RABGEF1: variants seen among roughly 807,000 people sequenced by gnomAD.
RABGEF1 encodes RAB guanine nucleotide exchange factor 1, also known as rab5 GDP/GTP exchange factor.
A neutral mutation model predicts 57.3 loss-of-function variants in RABGEF1; 26 were observed. The ratio of observed to expected loss-of-function variants is 0.45; its 90% CI spans 0.33 to 0.63. The LOEUF (loss-of-function observed/expected upper bound fraction) is 0.63. Among genes scored for constraint, RABGEF1 ranks in the 20% least tolerant of loss-of-function variants. The probability of loss-of-function intolerance (pLI) is 0.02; values close to 1 mark genes in which losing one functional copy is unlikely to be tolerated. For missense variants in RABGEF1, 464 were observed against 607.6 expected, an observed-to-expected ratio of 0.76 and a Z score of 2.48; for synonymous variants, 185 against 210.7, an observed-to-expected ratio of 0.88 and a Z score of 1.06.
At chr7:66,678,579 AAAAAAG>A (rs1789470398), upstream of RABGEF1, among the ~76,000 whole-genome samples, 1 of 151,662 alleles carries the variant, frequency 6.6e-6, no homozygotes, top group Admixed American at 6.6e-5. Context: ...AAAAAAAAAA[AAAAAAG>A]AAAAGGTAAT....
At chr7:66,694,381 C>T (rs1259215359) in intron 1 of RABGEF1, among the ~76,000 whole-genome samples, 2 of 152,120 alleles carry the variant, frequency 1.3e-5, no homozygotes, top group African/African-American at 2.4e-5. Flanking sequence ...GAAGATGGAG[C>T]GAGGATCAGT....
At chr7:66,655,430 G>A in the RABGEF1 span, among the ~76,000 whole-genome samples, 2 of 152,204 alleles carry the variant, frequency 1.3e-5, no homozygotes, top group Non-Finnish European at 2.9e-5. Context: ...TTGCCTTTGA[G>A]ATTAAATAGG....
At chr7:66,755,976 A>G in intron 1 of RABGEF1, 14 of 1,073,290 alleles carry the variant, frequency 1.3e-5, no homozygotes, top group Non-Finnish European at 1.8e-5. Flanking sequence ...TTCATTTTGG[A>G]AGCATTATAT....
At chr7:66,795,702 C>G in intron 5 of RABGEF1, 110 bp downstream of exon 5, 2 of 992,162 alleles carry the variant, frequency 2.0e-6, no homozygotes. Context: ...TAGACTTCAT[C>G]CTGTAACCTC....
intron 4 of RABGEF1, 107 bp from the exon 5 acceptor site, chr7:66,795,404 G>T: frequency 2.3e-6 from 2 of 859,440 alleles, no homozygotes; most frequent in South Asian, 1.4e-5. Flanking sequence ...AGTACTTTTA[G>T]GCTTACTACC....
upstream of RABGEF1, among the ~76,000 whole-genome samples, chr7:66,679,366 T>A (rs1789531454): frequency 6.6e-6 from 1 of 152,152 alleles, no homozygotes; most frequent in Admixed American, 6.6e-5. Flanking sequence ...TGGAGTGCAG[T>A]GGCATGATCA....
At chr7:66,684,066 C>G (rs1353956536) in intron 1 of RABGEF1, among the ~76,000 whole-genome samples, 1 of 152,106 alleles carries the variant, frequency 6.6e-6, no homozygotes, top group African/African-American at 2.4e-5. Flanking sequence ...AGAAAAAGTA[C>G]AGGACAGAGA....
At chr7:66,666,969 C>T in the RABGEF1 span, among the ~76,000 whole-genome samples, 11 of 152,202 alleles carry the variant, frequency 7.2e-5, no homozygotes, top group Non-Finnish European at 1.2e-4. Context: ...CCCAGAGACA[C>T]AGGCTGAACC....
chr7:66,771,880 C>T lies in RABGEF1; in HGVS notation c.-17-3C>T. On this transcript the variant is annotated splice_polypyrimidine_tract_variant and splice_region_variant and intron_variant, in intron 1 of 8. Transcript: ENST00000284957. ...TTTCAACAGCACTTTCTTGTTTGTT[C>T]AGTGGTTAGCAGGAAGAAGATGAGC... The T allele has an allele frequency of 6.9e-7, 1 of 1,449,520 alleles. No homozygotes were observed. Among genetic ancestry groups the T allele is most frequent in the Non-Finnish European group, 9.2e-7 (1 of 1,091,448 alleles). The allele number at this position is 1,449,520 out of a possible 1,614,324, so 89.8% of individuals were successfully genotyped here.
chr7:66,771,819 A>T, intron 1 of RABGEF1, 64 bp from the exon 2 acceptor site: 1 of 1,227,214 alleles, frequency 8.1e-7, no homozygotes, highest in Admixed American at 3.1e-5. Context: ...TTTGTTCATA[A>T]TTGGTAAGAT....
At chr7:66,665,597 G>A in the RABGEF1 span, among the ~76,000 whole-genome samples, 1 of 152,168 alleles carries the variant, frequency 6.6e-6, no homozygotes, top group Non-Finnish European at 1.5e-5. Flanking sequence ...GGGCGAGTCA[G>A]TTCCCTTCCC....
the RABGEF1 span, among the ~76,000 whole-genome samples, chr7:66,659,810 A>G: frequency 6.6e-6 from 1 of 151,858 alleles, no homozygotes; most frequent in South Asian, 2.1e-4. Flanking sequence ...ATAAAAAATA[A>G]AAGAAAGATC....
chr7:66,768,130 G>T (rs905019963), intron 1 of RABGEF1, among the ~76,000 whole-genome samples: 2 of 152,224 alleles, frequency 1.3e-5, no homozygotes, highest in African/African-American at 4.8e-5. Flanking sequence ...AAATACCCAG[G>T]AGAGGGATTG....
chr7:66,802,854 G>C (rs910632798), intron 7 of RABGEF1, among the ~76,000 whole-genome samples: 4 of 151,932 alleles, frequency 2.6e-5, no homozygotes, highest in Non-Finnish European at 5.9e-5. Flanking sequence ...CTTTTTACTC[G>C]CTTTCAAAAT....
At chr7:66,723,780 A>C (rs778516606) in intron 2 of RABGEF1, among the ~76,000 whole-genome samples, 23 of 137,716 alleles carry the variant, frequency 1.7e-4, no homozygotes, top group Admixed American at 5.6e-4. Flanking sequence ...GGGTTTCACC[A>C]TGTTGGTCAG....
rs186164197 is a variant in RABGEF1, at chr7:66,682,902, T to C, written c.-873+644T>C. On this transcript the variant is annotated intron_variant and NMD_transcript_variant, in intron 1 of 9. Transcript: ENST00000607882. The stretch of plus-strand genomic sequence containing the variant: ...GCCGGGGGATGCCCATCACGGCAGT[T>C]TAGGGAGAGAGAGGGAAGGACTCTG... Among the ~76,000 whole-genome samples, 55 of 152,158 alleles carry C rather than the reference T, an allele frequency of 3.6e-4. No individual in the cohort carries two copies. The East Asian group carries it at 6.0e-3, about 17-fold the overall frequency.
At chr7:66,730,880 T>C (rs1388625568) in intron 2 of RABGEF1, among the ~76,000 whole-genome samples, 4 of 152,102 alleles carry the variant, frequency 2.6e-5, no homozygotes, top group Non-Finnish European at 5.9e-5. Context: ...CAATTCTCAC[T>C]TGTGAGCAGG....
intron 1 of RABGEF1, among the ~76,000 whole-genome samples, chr7:66,760,589 G>A (rs1184960035): frequency 2.0e-5 from 3 of 151,872 alleles, no homozygotes; most frequent in Non-Finnish European, 4.4e-5. Context: ...GACTACAGGT[G>A]CATGCCATCA....
Position 66,809,132 on chromosome 7 carries a change from A to G in RABGEF1, c.1324A>G (p.Thr442Ala). ...ACTGGAAAAAGACCTCATAGATTGG[A>G]CAGATGGAATTGCAAGAGAAGTTCA... ...KKLEKDLIDW[T>A]DGIAREVQDI... Residue 442 changes from threonine to alanine, a missense_variant, in exon 9 of 9, where the codon ACA (threonine) becomes GCA (alanine). Physicochemically the swap from Thr to Ala is moderately conservative, Grantham distance 58 (BLOSUM62 0). Around this residue, in one of 4 missense-constraint regions of RABGEF1, gnomAD observed 151 missense variants for 152.2 expected, o/e 0.99. Transcript: ENST00000284957. The G allele has an allele frequency of 6.2e-7, 1 of 1,614,248 alleles. No homozygotes were observed. Among genetic ancestry groups the G allele is most frequent in the South Asian group, 1.1e-5 (1 of 91,088 alleles).
Sources: allele counts gnomAD v4.1 joint callset (sites outside exome capture counted in the v4.1 genomes callset), GRCh38; gene constraint gnomAD v4.1.1; regional missense constraint gnomAD v4.1.1; transcripts MANE v1.5; gene names NCBI Gene and HGNC (gene_info 2026-07-23, HGNC 2026-07-21).